The following ESR1 variants were observed in gnomAD, a reference collection of about 807,000 sequenced individuals.
ESR1 encodes the protein estrogen receptor.
In ESR1, 12 loss-of-function variants were observed where a neutral mutation model predicts 52.7. The observed-to-expected ratio is 0.23, with a 90% confidence interval of 0.15 to 0.37. The LOEUF (loss-of-function observed/expected upper bound fraction) is 0.37, where lower values mean the gene tolerates loss of function less well. Ranked by LOEUF, ESR1 falls within the 10% of genes least tolerant of loss-of-function variation. The pLI is 1.00. For synonymous variants in ESR1, 305 were observed against 316.8 expected (o/e 0.96, Z 0.39); for missense variants, 584 against 779.7 (o/e 0.75, Z 2.99).
At chr6:151,898,505 T>G (rs1462843522) in intron 3 of ESR1, among the ~76,000 whole-genome samples, 1 of 151,564 alleles carries the variant, frequency 6.6e-6, no homozygotes, top group East Asian at 1.9e-4. Flanking sequence ...GATAAACAAG[T>G]GCACAAAGGT....
At chr6:151,968,811 C>G (rs1403480669) in intron 4 of ESR1, among the ~76,000 whole-genome samples, 1 of 152,088 alleles carries the variant, frequency 6.6e-6, no homozygotes, top group South Asian at 2.1e-4. Flanking sequence ...GTGGGAGCAA[C>G]TTGGGCCATG....
chr6:151,885,685 T>G (rs1156540580), intron 3 of ESR1, among the ~76,000 whole-genome samples: 2 of 152,074 alleles, frequency 1.3e-5, no homozygotes, highest in Non-Finnish European at 2.9e-5. Flanking sequence ...GCCAACAAGG[T>G]GAAACCTCGT....
chr6:151,721,673 C>A (rs1308074675), intron 2 of ESR1, among the ~76,000 whole-genome samples: 4 of 152,158 alleles, frequency 2.6e-5, no homozygotes, highest in Non-Finnish European at 5.9e-5. Context: ...TGGGCCTAGG[C>A]AGCATGCCCA....
At chr6:151,689,527 A>G (rs559851462), upstream of ESR1, among the ~76,000 whole-genome samples, 9 of 152,372 alleles carry the variant, frequency 5.9e-5, no homozygotes, top group African/African-American at 2.2e-4. Flanking sequence ...ATAAGTATAG[A>G]GAAGACTGAA....
intron 6 of ESR1, among the ~76,000 whole-genome samples, chr6:152,092,828 G>C (rs1358345667): frequency 2.0e-5 from 3 of 152,098 alleles, no homozygotes; most frequent in Non-Finnish European, 4.4e-5. Flanking sequence ...TTTTCTTCCT[G>C]TCCTTGGGTT....
At position 152,102,704 on chromosome 6, in the gene ESR1, T is replaced by C; in HGVS notation, c.*3738T>C. 4.6e-6 allele frequency: 1 copy of C among 219,372 alleles called. No homozygotes were observed. The highest frequency in any genetic ancestry group is 9.2e-6 in the Non-Finnish European group (1 of 109,018). 13.6% of individuals were successfully genotyped at this position (219,372 alleles called of 1,614,324 possible). The stretch of plus-strand genomic sequence containing the variant: ...TCATTTAAAATTGTTTTCTAAGTAA[T>C]TGCTGCCTCTATTATGGCACTTCAA... On this transcript the variant is annotated 3_prime_UTR_variant, in exon 8 of 8. Transcript: ENST00000206249.
At chr6:151,801,643 G>A (rs750583857), upstream of ESR1, among the ~76,000 whole-genome samples, 2 of 152,204 alleles carry the variant, frequency 1.3e-5, no homozygotes, top group Non-Finnish European at 2.9e-5. Flanking sequence ...TTAAAAACAT[G>A]TTAAAGAATA....
At chr6:151,981,981 G>A (rs1354801749) in intron 4 of ESR1, among the ~76,000 whole-genome samples, 2 of 152,190 alleles carry the variant, frequency 1.3e-5, no homozygotes, top group Non-Finnish European at 2.9e-5. Flanking sequence ...TCTACATAGT[G>A]TTAAACTTGA....
intron 4 of ESR1, among the ~76,000 whole-genome samples, chr6:152,002,222 G>GTGTGTGTGT (rs1562654907): frequency 6.1e-5 from 9 of 148,628 alleles, no homozygotes; most frequent in Non-Finnish European, 7.4e-5. Context: ...GTGTGTGTGT[G>GTGTGTGTGT]GAATATCTCA....
intron 2 of ESR1, among the ~76,000 whole-genome samples, chr6:151,729,039 G>T (rs1427521026): frequency 6.6e-6 from 1 of 152,144 alleles, no homozygotes; most frequent in Non-Finnish European, 1.5e-5. Flanking sequence ...GTGTTCATTT[G>T]CAATGGATGG....
chr6:151,679,481 C>T (rs980768745), intron 1 of ESR1, among the ~76,000 whole-genome samples: 1 of 152,082 alleles, frequency 6.6e-6, no homozygotes, highest in African/African-American at 2.4e-5. Flanking sequence ...TCCCAAGTAG[C>T]TGGGACTACA....
intron 3 of ESR1, among the ~76,000 whole-genome samples, chr6:151,905,500 A>T (rs1325763822): frequency 6.6e-6 from 1 of 152,234 alleles, no homozygotes; most frequent in Non-Finnish European, 1.5e-5. Context: ...ATAGAAAAAA[A>T]TCGATTTAAA....
chr6:151,960,940 A>G (rs940154677), intron 4 of ESR1, among the ~76,000 whole-genome samples: 3 of 152,210 alleles, frequency 2.0e-5, no homozygotes, highest in African/African-American at 7.2e-5. Flanking sequence ...TGTGAGAGAA[A>G]GAATTCAGTT....
At chr6:151,837,385 A>G (rs1755205462) in intron 1 of ESR1, among the ~76,000 whole-genome samples, 1 of 152,152 alleles carries the variant, frequency 6.6e-6, no homozygotes, top group African/African-American at 2.4e-5. Context: ...GGCATGAGCC[A>G]CCACACCCAG....
chr6:151,974,732 T>C (rs2039263546), intron 4 of ESR1, among the ~76,000 whole-genome samples: 1 of 152,348 alleles, frequency 6.6e-6, no homozygotes, highest in African/African-American at 2.4e-5. Context: ...TACATCTTAG[T>C]CTTTTTTTCC....
chr6:151,971,379 G>C (rs2038895414), intron 4 of ESR1, among the ~76,000 whole-genome samples: 1 of 151,968 alleles, frequency 6.6e-6, no homozygotes, highest in Non-Finnish European at 1.5e-5. Context: ...AAAGTCCATT[G>C]TATCATTCTT....
chr6:151,810,687 A>G (rs1480800377), intron 1 of ESR1, among the ~76,000 whole-genome samples: 1 of 152,234 alleles, frequency 6.6e-6, no homozygotes, highest in East Asian at 1.9e-4. Flanking sequence ...AATAGAAAAT[A>G]TCAGAGTGCA....
At position 152,123,929 on chromosome 6, in the gene ESR1, T is replaced by G. The variant is rs11754998; in HGVS notation, c.851-1337T>G. Among the ~76,000 whole-genome samples the G allele has an allele frequency of 2.6e-5, 4 of 152,246 alleles. No individual in the cohort carries two copies. The South Asian group carries it at 8.3e-4, about 32-fold the overall frequency. On this transcript the variant is annotated intron_variant, in intron 6 of 6. Coordinates refer to the ESR1 transcript ENST00000427531. ...AGACTACCCTAATATCGGTGGGGGA[T>G]GCGGAGTGACACCTAAGAAAATAAA...
intron 2 of ESR1, among the ~76,000 whole-genome samples, chr6:151,787,497 T>G (rs1461305676): frequency 6.6e-6 from 1 of 152,218 alleles, no homozygotes; most frequent in Non-Finnish European, 1.5e-5. Context: ...TTTTTCCATT[T>G]GTTTGTGTCA....
Sources: gnomAD v4.1 joint callset for allele counts (sites outside exome capture counted in the v4.1 genomes callset) on GRCh38, gnomAD v4.1.1 for gene constraint, MANE v1.5 for transcripts, NCBI Gene and HGNC (gene_info 2026-07-23, HGNC 2026-07-21) for gene names.